Variants in PDE1A observed in about 807,000 individuals in gnomAD.
PDE1A encodes the protein phosphodiesterase 1A.
A neutral mutation model predicts 61.7 loss-of-function variants in PDE1A; 35 were observed. The observed-to-expected ratio is 0.57, with a 90% CI of 0.43 to 0.75. The LOEUF (loss-of-function observed/expected upper bound fraction) is 0.75, where lower values mean the gene tolerates loss of function less well. PDE1A is among the 30% of genes least tolerant of loss of function. PDE1A has a pLI of 0.00. For missense variants in PDE1A, 597 were observed against 630.6 expected (o/e 0.95, Z 0.57); for synonymous variants, 232 against 213.2 (o/e 1.09, Z -0.77).
At chr2:182,409,895 T>C (rs1054487534) in intron 1 of PDE1A, among the ~76,000 whole-genome samples, 14 of 152,196 alleles carry the variant, frequency 9.2e-5, no homozygotes, top group African/African-American at 3.4e-4. Context: ...AGCCAAGTCA[T>C]AATCAATAGT....
chr2:182,221,947 C>G (rs1688763138), intron 7 of PDE1A, among the ~76,000 whole-genome samples: 1 of 148,220 alleles, frequency 6.7e-6, no homozygotes, highest in South Asian at 2.2e-4. Context: ...TCTTAGGGTC[C>G]TTTAAGTTCT....
chr2:182,510,678 T>A (rs1689724068), intron 2 of PDE1A, among the ~76,000 whole-genome samples: 1 of 152,232 alleles, frequency 6.6e-6, no homozygotes, highest in South Asian at 2.1e-4. Context: ...GGAAAATAAG[T>A]CTAGCCCTGA....
Position 182,322,484 on chromosome 2 carries a change from C to T in PDE1A, c.54-58070G>A, listed in dbSNP as rs143614561. On this transcript the variant is annotated intron_variant, in intron 1 of 13. Transcript: ENST00000351439. Reference sequence around the variant, plus strand: ...CCCCTGCACATGCCCTCTTGCCTGCCGCCATGTAAGATGTGCCTTTGCTCC... The same window carrying T: ...CCCCTGCACATGCCCTCTTGCCTGCTGCCATGTAAGATGTGCCTTTGCTCC... 6.2e-3 allele frequency among the ~76,000 whole-genome samples: 941 copies of T among 152,250 alleles called. 8 individuals are homozygous for T. Among genetic ancestry groups the T allele is most frequent in the African/African-American group, 0.021 (874 of 41,546 alleles).
chr2:182,679,850 T>C, the PDE1A span, among the ~76,000 whole-genome samples: 4 of 152,076 alleles, frequency 2.6e-5, no homozygotes, highest in South Asian at 4.1e-4. Flanking sequence ...TATGGAAAGA[T>C]AGGGAAGTCA....
chr2:182,560,525 C>T, the PDE1A span, among the ~76,000 whole-genome samples: 3 of 151,072 alleles, frequency 2.0e-5, no homozygotes, highest in African/African-American at 4.9e-5. Flanking sequence ...AATAAACATA[C>T]GTGTGCATGT....
chr2:182,325,083 C>T (rs144922924), intron 1 of PDE1A, among the ~76,000 whole-genome samples: 40 of 152,130 alleles, frequency 2.6e-4, no homozygotes, highest in African/African-American at 6.5e-4. Flanking sequence ...GGCTAAAATC[C>T]CAGGGTACAA....
chr2:182,358,938 C>T (rs1427893188), intron 1 of PDE1A, among the ~76,000 whole-genome samples: 4 of 151,958 alleles, frequency 2.6e-5, no homozygotes, highest in Non-Finnish European at 4.4e-5. Context: ...CTTTCATCTT[C>T]CTTCCATTCC....
chr2:182,183,243 G>A lies in PDE1A; in HGVS notation c.1516+2649C>T, dbSNP rs552483211. Among the ~76,000 whole-genome samples the A allele has an allele frequency of 4.6e-5, 7 of 152,290 alleles. No individual in the cohort carries two copies. The East Asian group carries it at 7.7e-4, about 17-fold the overall frequency. On this transcript the variant is annotated intron_variant, in intron 13 of 13. Coordinates refer to ENST00000351439, the Ensembl canonical transcript of PDE1A. ...GTTTTTTCTCTTCATGAAAAAGCAA[G>A]TGTAAAACTGGACAGCATTAATAAA...
the PDE1A span, among the ~76,000 whole-genome samples, chr2:182,640,071 C>T: frequency 6.6e-6 from 1 of 152,040 alleles, no homozygotes; most frequent in African/African-American, 2.4e-5. Context: ...TCCTCAATGT[C>T]TTATAATACT....
intron 6 of PDE1A, among the ~76,000 whole-genome samples, chr2:182,226,787 AGGTTGTATTTTGTCTG>A (rs1446667540): frequency 2.7e-5 from 4 of 148,858 alleles, no homozygotes; most frequent in Non-Finnish European, 5.9e-5. Context: ...TCAGAATTTT[AGGTTGTATTTTGTCTG>A]CAGAAATGCT....
the PDE1A span, among the ~76,000 whole-genome samples, chr2:182,620,278 G>A: frequency 2.0e-5 from 3 of 152,130 alleles, no homozygotes; most frequent in African/African-American, 7.2e-5. Context: ...TCAGTTATTT[G>A]ATTTGTAAAG....
the PDE1A span, among the ~76,000 whole-genome samples, chr2:182,648,087 C>T: frequency 2.0e-5 from 3 of 152,152 alleles, no homozygotes; most frequent in Non-Finnish European, 4.4e-5. Context: ...ACCTACTAAA[C>T]CATGGTATAT....
chr2:182,371,878 G>C (rs573502394), intron 1 of PDE1A, among the ~76,000 whole-genome samples: 20 of 152,274 alleles, frequency 1.3e-4, no homozygotes, highest in Admixed American at 2.6e-4. Context: ...TCCGTTTCCT[G>C]GGCTCAAGGG....
At chr2:182,271,363 A>G (rs984365553) in intron 1 of PDE1A, among the ~76,000 whole-genome samples, 2 of 152,096 alleles carry the variant, frequency 1.3e-5, no homozygotes, top group Admixed American at 1.3e-4. Context: ...GTCTACATTT[A>G]AAGGAGCAAA....
At chr2:182,416,135 G>A (rs1461097141) in intron 1 of PDE1A, among the ~76,000 whole-genome samples, 1 of 152,176 alleles carries the variant, frequency 6.6e-6, no homozygotes, top group Admixed American at 6.5e-5. Context: ...CAAGCAAATA[G>A]TATAACAGAT....
intron 1 of PDE1A, among the ~76,000 whole-genome samples, chr2:182,413,020 G>C (rs892396353): frequency 6.6e-6 from 1 of 152,182 alleles, no homozygotes; most frequent in African/African-American, 2.4e-5. Context: ...GACCAGTTCA[G>C]ACAAAAGAGA....
the PDE1A span, among the ~76,000 whole-genome samples, chr2:182,632,642 T>A: frequency 6.6e-6 from 1 of 152,136 alleles, no homozygotes; most frequent in Non-Finnish European, 1.5e-5. Context: ...AATGTCCTGG[T>A]TTTTACAAAG....
At chr2:182,547,666 C>T in the PDE1A span, among the ~76,000 whole-genome samples, 1 of 152,180 alleles carries the variant, frequency 6.6e-6, no homozygotes, top group African/African-American at 2.4e-5. Context: ...CATTAATTTA[C>T]ACTCAGGCAG....
chr2:182,426,851 C>G lies in PDE1A; in HGVS notation c.-221G>C. The stretch of plus-strand genomic sequence containing the variant: ...AGACAGGCACGTTGGGGCACTCCCC[C>G]ACAGAGCAGGGTGTGCAAAAACCAC... On this transcript the variant is annotated 5_prime_UTR_variant, in exon 1 of 14. Coordinates refer to ENST00000351439, the Ensembl canonical transcript of PDE1A. 7.3e-6 allele frequency: 10 copies of G among 1,365,070 alleles called. No homozygotes were observed. In the South Asian group the frequency reaches 1.1e-4, roughly 15 times the overall value. 84.6% of individuals were successfully genotyped at this position (1,365,070 alleles called of 1,614,324 possible). A position where few individuals can be genotyped will look rare whatever the true frequency, so the allele number is the denominator to read the frequency against.
Sources: allele counts gnomAD v4.1 joint callset (sites outside exome capture counted in the v4.1 genomes callset), GRCh38; gene constraint gnomAD v4.1.1; transcripts MANE v1.5; gene names NCBI Gene and HGNC (gene_info 2026-07-23, HGNC 2026-07-21).